FBXO3: variants seen among roughly 807,000 people sequenced by gnomAD.
FBXO3 encodes F-box protein 3, also known as F-box only protein 3.
FBXO3 carries 17 observed loss-of-function variants against 64.8 expected under a neutral mutation model. That is an observed-to-expected ratio of 0.26 (90% CI 0.18 to 0.39). FBXO3 has a LOEUF of 0.39. Ranked by LOEUF, FBXO3 falls within the 10% of genes least tolerant of loss-of-function variation. The probability of loss-of-function intolerance (pLI) is 1.00; values close to 1 mark genes in which losing one functional copy is unlikely to be tolerated. For missense variants in FBXO3, 420 were observed against 589.9 expected (o/e 0.71, Z 2.98); for synonymous variants, 182 against 201.6 (o/e 0.90, Z 0.82).
intron 10 of FBXO3, chr11:33,745,349 C>A (rs1854789459): frequency 6.7e-6 from 1 of 148,796 alleles, no homozygotes; most frequent in African/African-American, 2.5e-5. Context: ...AAACTGTCAA[C>A]CGATTTGACC....
At chr11:33,744,053 CAAT>C (rs1195060820) in intron 10 of FBXO3, 2 of 152,026 alleles carry the variant, frequency 1.3e-5, no homozygotes, top group Admixed American at 6.5e-5. Context: ...ACACTAACAA[CAAT>C]AACAGAGAAA....
rs185358945 is a variant in FBXO3, at chr11:33,764,742, C to A, written c.358+4109G>T. On this transcript the variant is annotated intron_variant, in intron 3 of 10. Coordinates refer to ENST00000265651, the MANE Select transcript of FBXO3 (RefSeq NM_012175.4). ...TAATCTCAGCACTTTGGGAGGCCTA[C>A]ACGGGCAGATCACTTGTGGTCAAGA... Among the ~76,000 whole-genome samples the A allele has an allele frequency of 1.3e-4, 20 of 152,198 alleles. 1 individual carries two copies. The East Asian group carries it at 3.9e-3, about 29-fold the overall frequency.
Position 33,742,380 on chromosome 11 carries a change from G to A in FBXO3, c.1240-296C>T, listed in dbSNP as rs774702987. 61 of 189,722 alleles carry A rather than the reference G, an allele frequency of 3.2e-4. 2 individuals carry two copies. The highest frequency in any genetic ancestry group is 3.2e-4 in the Non-Finnish European group (29 of 91,958). 11.8% of individuals were successfully genotyped at this position (189,722 alleles called of 1,614,324 possible). A position where few individuals can be genotyped will look rare whatever the true frequency, so the allele number is the denominator to read the frequency against. ...GACGAGTTCTTGCTGTGTTGCCTAG[G>A]CTAGCCTCAAACTCCTGGGCTCAAG... is the stretch of plus-strand genomic sequence containing the variant. On this transcript the variant is annotated intron_variant, in intron 10 of 10. Transcript: ENST00000265651.
At chr11:33,760,981 AAAC>A (rs1275008181) in intron 3 of FBXO3, among the ~76,000 whole-genome samples, 1 of 152,196 alleles carries the variant, frequency 6.6e-6, no homozygotes, top group Non-Finnish European at 1.5e-5. Flanking sequence ...ATATGTTAAA[AAAC>A]AAAATCACAA....
intron 3 of FBXO3, among the ~76,000 whole-genome samples, chr11:33,761,481 T>C (rs1855240262): frequency 6.6e-6 from 1 of 152,238 alleles, no homozygotes; most frequent in African/African-American, 2.4e-5. Context: ...TTAAATTCAC[T>C]ACACAGGTGT....
intron 1 of FBXO3, chr11:33,773,367 T>C (rs776015602): frequency 1.3e-5 from 2 of 152,260 alleles, no homozygotes; most frequent in African/African-American, 2.4e-5. Context: ...ACCACTTAGC[T>C]AGGCCAACAA....
At chr11:33,754,567 G>C in intron 5 of FBXO3, 67 bp from the exon 6 acceptor site, 1 of 1,382,948 alleles carries the variant, frequency 7.2e-7, no homozygotes, top group South Asian at 1.4e-5. Flanking sequence ...TTCATTATCT[G>C]TATCTTTCCC....
intron 5 of FBXO3, among the ~76,000 whole-genome samples, chr11:33,755,477 CAT>C (rs113675510): frequency 0.038 from 5,827 of 152,256 alleles, 247 homozygotes; most frequent in East Asian, 0.18. Flanking sequence ...GTCTGAAACA[CAT>C]ATTACAATTA....
intron 8 of FBXO3, among the ~76,000 whole-genome samples, chr11:33,749,158 T>A (rs913805527): frequency 1.3e-5 from 2 of 152,202 alleles, no homozygotes; most frequent in Non-Finnish European, 2.9e-5. Flanking sequence ...ACATAAAATG[T>A]GCAACATAAT....
intron 3 of FBXO3, among the ~76,000 whole-genome samples, chr11:33,764,624 A>G (rs1291533580): frequency 6.6e-6 from 1 of 152,168 alleles, no homozygotes; most frequent in African/African-American, 2.4e-5. Flanking sequence ...TGATTTGAGG[A>G]ACTGCAATTA....
At chr11:33,751,447 C>T (rs1854954026) in intron 7 of FBXO3, 76 bp downstream of exon 7, 2 of 983,632 alleles carry the variant, frequency 2.0e-6, no homozygotes, top group East Asian at 5.0e-5. Flanking sequence ...TGGGAAACTT[C>T]ATTTCATGAT....
rs903402608 is a variant in FBXO3 at position 33,759,229 on chromosome 11, A to G, written c.359-628T>C. On this transcript the variant is annotated intron_variant, in intron 3 of 10. Transcript: ENST00000265651. ...TTGGCTTGAAGACTTTCGAAGAGTC[A>G]CAACGGTAGGGGAGAGGGGTCCAGG... 1.5e-4 allele frequency among the ~76,000 whole-genome samples: 23 copies of G among 152,254 alleles called. 1 individual carries two copies. The highest frequency in any genetic ancestry group is 5.5e-4 in the African/African-American group (23 of 41,464).
rs576517696 is a variant in FBXO3 at position 33,755,465 on chromosome 11, A to T, written c.678+306T>A. ...GATGTTCAAAGGCTAAATTTTTGGA[A>T]AGTCTGAAACACATATTACAATTAA... On this transcript the variant is annotated intron_variant, in intron 5 of 10. Transcript: ENST00000265651. 4.0e-5 allele frequency among the ~76,000 whole-genome samples: 6 copies of T among 151,724 alleles called. No homozygotes were observed. The South Asian group carries it at 6.4e-4, about 16-fold the overall frequency.
chr11:33,743,110 T>A lies in FBXO3; in HGVS notation c.1240-1026A>T, dbSNP rs1854727904. On this transcript the variant is annotated intron_variant, in intron 10 of 10. Coordinates refer to ENST00000265651, the MANE Select transcript of FBXO3 (RefSeq NM_012175.4). The surrounding 1 kb of genome is among the most constrained non-coding windows in gnomAD (Gnocchi z 4.6). ...GTAGCTGGACTTCTTACATGGTGGCTCAGGGTGTCAAAGACACATGTCCCA... is the reference window on the plus strand; with the variant it reads ...GTAGCTGGACTTCTTACATGGTGGCACAGGGTGTCAAAGACACATGTCCCA... The A allele has an allele frequency of 6.6e-6, 1 of 152,224 alleles. No homozygotes were observed. The highest frequency in any genetic ancestry group is 1.5e-5 in the Non-Finnish European group (1 of 68,070). The allele number at this position is 152,224 out of a possible 1,614,324, so 9.4% of individuals were successfully genotyped here.
chr11:33,742,015 C>G lies in FBXO3; in HGVS notation c.1309G>C (p.Asp437His). 1 of 1,608,430 alleles carries G rather than the reference C, an allele frequency of 6.2e-7. No individual in the cohort carries two copies. The highest frequency in any genetic ancestry group is 1.1e-5 in the South Asian group (1 of 90,926). Residue 437 changes from aspartate to histidine, a missense_variant, in exon 11 of 11, where the codon GAT (aspartate) becomes CAT (histidine). By Grantham distance (81) the Asp-to-His change is moderately conservative (BLOSUM62 -1). This residue lies in a region of FBXO3 where 57 missense variants were observed against 55.4 expected (regional missense o/e 1.03). Coordinates refer to ENST00000265651, the MANE Select transcript of FBXO3 (RefSeq NM_012175.4). ...GATTCATCCATATCTGCTGAATCAT[C>G]ATCCTCGTCTTCCTCCTCTTCCTCC... ...EEEEEEEDED[D>H]DSADMDESDE...
intron 7 of FBXO3, among the ~76,000 whole-genome samples, 174 bp from the exon 8 acceptor site, chr11:33,750,835 C>T (rs942575622): frequency 2.6e-5 from 4 of 152,168 alleles, no homozygotes; most frequent in African/African-American, 7.2e-5. Context: ...AAACAAACTA[C>T]AAAACCTTGG....
intron 3 of FBXO3, among the ~76,000 whole-genome samples, chr11:33,768,640 G>C (rs1855432740): frequency 6.6e-6 from 1 of 152,146 alleles, no homozygotes; most frequent in Admixed American, 6.5e-5. Context: ...TTTCCCTTCT[G>C]ATAAATAACC....
intron 7 of FBXO3, 68 bp downstream of exon 7, chr11:33,751,455 G>C (rs1325797571): frequency 2.9e-6 from 3 of 1,039,836 alleles, no homozygotes; most frequent in African/African-American, 3.2e-5. Flanking sequence ...TTCATTTCAT[G>C]ATCTGTGACT....
chr11:33,755,764 T>C lies in FBXO3; in HGVS notation c.678+7A>G. 6.2e-7 allele frequency: 1 copy of C among 1,607,070 alleles called. No individual in the cohort carries two copies. The highest frequency in any genetic ancestry group is 8.5e-7 in the Non-Finnish European group (1 of 1,173,974). ...TAATGCCATATTTAAACACACGTTCTACTTACTGGACATTGGTAGAAAACT... is the reference window on the plus strand; with the variant it reads ...TAATGCCATATTTAAACACACGTTCCACTTACTGGACATTGGTAGAAAACT... On this transcript the variant is annotated splice_region_variant and intron_variant, in intron 5 of 10. Coordinates refer to ENST00000265651, the MANE Select transcript of FBXO3 (RefSeq NM_012175.4).
Sources: gnomAD v4.1 joint callset for allele counts (sites outside exome capture counted in the v4.1 genomes callset) on GRCh38, gnomAD v4.1.1 for gene constraint, gnomAD v4.1.1 regional missense constraint, Gnocchi (gnomAD v3.1) non-coding constraint, MANE v1.5 for transcripts, NCBI Gene and HGNC (gene_info 2026-07-23, HGNC 2026-07-21) for gene names.